Variants in FCSK observed in about 807,000 individuals in gnomAD.
FCSK encodes the protein L-fucose kinase.
A neutral mutation model predicts 122.5 loss-of-function variants in FCSK; 123 were observed. The ratio of observed to expected loss-of-function variants is 1.00; its 90% CI spans 0.87 to 1.17. FCSK has a LOEUF of 1.17. FCSK is among the 50% of genes most tolerant of loss of function. The pLI is 0.00. For missense variants in FCSK, 1,366 were observed against 1,450.4 expected, an observed-to-expected ratio of 0.94 and a Z score of 0.95; for synonymous variants, 620 against 625.5, an observed-to-expected ratio of 0.99 and a Z score of 0.13.
chr16:70,454,835 C>T (rs1413717204), intron 1 of FCSK: 3 of 152,286 alleles, frequency 2.0e-5, no homozygotes, highest in African/African-American at 7.2e-5. Context: ...TCCATTTGGC[C>T]TGGGTCTTCC....
rs1246038089 is a variant in FCSK at position 70,475,711 on chromosome 16, T to G, written c.2585T>G (p.Val862Gly). ...TTGCAGCGAGCCGCAGGCCGGGTGGTGGGCACGGAAGCCCTGATCCACGCA... is the reference window on the plus strand; with the variant it reads ...TTGCAGCGAGCCGCAGGCCGGGTGGGGGGCACGGAAGCCCTGATCCACGCA... ...AALQRAAGRVVGTEALIHAVL... is the reference protein window; with the variant it reads ...AALQRAAGRVGGTEALIHAVL... Residue 862 changes from valine (V) to glycine (G), a missense_variant, in exon 20 of 24, where the codon GTG becomes GGG. Physicochemically the swap from Val to Gly is moderately radical, Grantham distance 109. Coordinates refer to ENST00000288078, the MANE Select transcript of FCSK (RefSeq NM_145059.3). 19 of 1,602,710 alleles carry G rather than the reference T, an allele frequency of 1.2e-5. No homozygotes were observed. Among genetic ancestry groups the G allele is most frequent in the Non-Finnish European group, 1.5e-5 (18 of 1,175,208 alleles).
intron 1 of FCSK, among the ~76,000 whole-genome samples, chr16:70,457,331 T>G (rs999368270): frequency 6.6e-6 from 1 of 151,516 alleles, no homozygotes; most frequent in South Asian, 2.1e-4. Context: ...CTTGGCTCAC[T>G]GCAGCCTCCG....
Position 70,471,019 on chromosome 16 carries a change from GAGGGCCCTGTCC to G in FCSK, c.1120_1131del (p.Gly374_Gln377del). On this transcript the variant is annotated inframe_deletion, in exon 12 of 24. Coordinates refer to ENST00000288078, the MANE Select transcript of FCSK (RefSeq NM_145059.3). The stretch of plus-strand genomic sequence containing the variant: ...GAGCTCTGTGGTCAGCTGCCTGCTG[GAGGGCCCTGTCC>G]AGCTGGGTCCTGGGAGCGTCCTGCA... The G allele has an allele frequency of 6.2e-7, 1 of 1,602,756 alleles. No homozygotes were observed. The highest frequency in any genetic ancestry group is 8.5e-7 in the Non-Finnish European group (1 of 1,176,626).
In FCSK at chr16:70,475,006, C is replaced by T; in HGVS notation, c.2372C>T (p.Ala791Val). The part of the protein sequence containing the change: ...ADLRDYCQPH[A>V]PGALLKAAFI... ...CTGCGGGACTACTGCCAGCCTCATGCCCCAGGTCAGGCACCCTGGGACCTC... is the reference window on the plus strand; with the variant it reads ...CTGCGGGACTACTGCCAGCCTCATGTCCCAGGTCAGGCACCCTGGGACCTC... Residue 791 changes from alanine (A) to valine (V), a missense_variant, in exon 18 of 24, where the codon GCC becomes GTC. Transcript: ENST00000288078. 6 of 1,597,100 alleles carry T rather than the reference C, an allele frequency of 3.8e-6. No homozygotes were observed. Among genetic ancestry groups the T allele is most frequent in the Non-Finnish European group, 5.1e-6 (6 of 1,173,698 alleles).
rs1432884519 is a variant in FCSK at position 70,467,751 on chromosome 16, T to C, written c.583-135T>C. The C allele has an allele frequency of 8.1e-6, 6 of 741,052 alleles. No homozygotes were observed. In the East Asian group the frequency reaches 1.6e-4, roughly 19 times the overall value. The allele number at this position is 741,052 out of a possible 1,614,324, so 45.9% of individuals were successfully genotyped here. A position where few individuals can be genotyped will look rare whatever the true frequency, so the allele number is the denominator to read the frequency against. On this transcript the variant is annotated intron_variant, in intron 7 of 23. Transcript: ENST00000288078. The stretch of plus-strand genomic sequence containing the variant: ...TGGAGTAGAAATCTCAGGCCCCCCC[T>C]GAGAATGCCAGCAACTGCCAGCCTT...
intron 3 of FCSK, chr16:70,464,912 C>G (rs2048370742): frequency 1.1e-6 from 1 of 935,690 alleles, no homozygotes; most frequent in Non-Finnish European, 1.6e-6. Flanking sequence ...AACCAGCCAG[C>G]AAGAAGGTGG....
intron 19 of FCSK, 75 bp downstream of exon 19, chr16:70,475,568 C>A: frequency 6.3e-7 from 1 of 1,585,054 alleles, no homozygotes; most frequent in Admixed American, 1.8e-5. Flanking sequence ...CCCTTCCTGG[C>A]CTCTGCCCTT....
In FCSK at chr16:70,474,534, C is replaced by T; in HGVS notation, c.1995C>T (p.Ala665=). The T allele has an allele frequency of 6.5e-7, 1 of 1,547,674 alleles. No individual in the cohort carries two copies. The highest frequency in any genetic ancestry group is 8.7e-7 in the Non-Finnish European group (1 of 1,147,056). Residue 665 remains alanine (A), a synonymous_variant, in exon 17 of 24, where the codon GCC becomes GCT. Coordinates refer to ENST00000288078, the MANE Select transcript of FCSK (RefSeq NM_145059.3). ...CTCCCCCTTCTCTTGGCAGGCCAGC[C>T]TTGCTGGTGCGAGCGGCCCGCCACT... ...QERDKWLSRP[A]LLVRAARHYE... is the part of the protein sequence containing the mutation.
At chr16:70,472,499 C>G (rs549511358) in intron 13 of FCSK, 42 bp from the exon 14 acceptor site, 1 of 1,543,910 alleles carries the variant, frequency 6.5e-7, no homozygotes, top group African/African-American at 1.4e-5. Context: ...TAACCCTTTC[C>G]TGTGGCCCCT....
intron 4 of FCSK, 61 bp from the exon 5 acceptor site, chr16:70,466,071 C>A: frequency 1.3e-6 from 2 of 1,573,848 alleles, no homozygotes; most frequent in Non-Finnish European, 1.7e-6. Context: ...GCCTGCACAG[C>A]TGATGAGGTG....
Position 70,473,115 on chromosome 16 carries a change from G to A in FCSK, c.1539G>A (p.Glu513=), listed in dbSNP as rs1278192578. The A allele has an allele frequency of 2.5e-6, 4 of 1,582,246 alleles. No individual in the cohort carries two copies. The African/African-American group carries it at 5.4e-5, about 21-fold the overall frequency. ...TGCTGTGGATGCTGGACCACCAGGAGGATGGGGGCGAGGCCCTGCGAGCCT... is the reference window on the plus strand; with the variant it reads ...TGCTGTGGATGCTGGACCACCAGGAAGATGGGGGCGAGGCCCTGCGAGCCT... The part of the protein sequence containing the change: ...QDLLWMLDHQ[E]DGGEALRAWR... The change falls in exon 15 of 24, where the codon GAG becomes GAA. Residue 513 remains glutamate (E), a synonymous_variant. Transcript: ENST00000288078. The surrounding 1 kb of genome is among the most constrained non-coding windows in gnomAD (Gnocchi z 4.9).
chr16:70,478,349 A>C lies in FCSK; in HGVS notation c.2719A>C (p.Lys907Gln). 6.2e-7 allele frequency: 1 copy of C among 1,614,146 alleles called. No individual in the cohort carries two copies. Among genetic ancestry groups the C allele is most frequent in the Non-Finnish European group, 8.5e-7 (1 of 1,180,002 alleles). Residue 907 changes from lysine to glutamine, a missense_variant, in exon 21 of 24, where the codon AAG becomes CAG. By Grantham distance (53) the Lys-to-Gln change is moderately conservative (BLOSUM62 1). Coordinates refer to ENST00000288078, the MANE Select transcript of FCSK (RefSeq NM_145059.3). ...GCGCTCCCGGGCTCAGCTGCCACTG[A>C]AGGTGGAGGTAGAAGAGGTCACGGT... ...VGRSRAQLPL[K>Q]VEVEEVTVPE...
chr16:70,454,992 CCT>C (rs1003389293), intron 1 of FCSK: 5 of 152,228 alleles, frequency 3.3e-5, no homozygotes, highest in African/African-American at 1.2e-4. Context: ...GGCCGCTTCT[CCT>C]CTCTCAGTTT....
chr16:70,479,318 G>C lies in FCSK; in HGVS notation c.3068G>C (p.Gly1023Ala), dbSNP rs1271042407. ...CACGTGCATGGCCAGAGCCTGGCTGGGGCAGGCGGTGGAGGCTTTCTCTAT... is the reference window on the plus strand; with the variant it reads ...CACGTGCATGGCCAGAGCCTGGCTGCGGCAGGCGGTGGAGGCTTTCTCTAT... ...APHVHGQSLA[G>A]AGGGGFLYLL... The change falls in exon 23 of 24, where the codon GGG becomes GCG. Residue 1023 changes from glycine to alanine, a missense_variant. Gly to Ala is a moderately conservative substitution (Grantham distance 60). Transcript: ENST00000288078. 6.2e-7 allele frequency: 1 copy of C among 1,614,032 alleles called. No homozygotes were observed. Among genetic ancestry groups the C allele is most frequent in the Non-Finnish European group, 8.5e-7 (1 of 1,180,032 alleles).
chr16:70,467,758 G>A, intron 7 of FCSK, 128 bp from the exon 8 acceptor site: 2 of 763,142 alleles, frequency 2.6e-6, no homozygotes, highest in Admixed American at 2.1e-5. Flanking sequence ...CCCTGAGAAT[G>A]CCAGCAACTG....
Position 70,478,290 on chromosome 16 carries a change from A to G in FCSK, c.2660A>G (p.Gln887Arg). Residue 887 changes from glutamine to arginine, a missense_variant, in exon 21 of 24, where the codon CAA (glutamine) becomes CGA (arginine). Physicochemically the swap from Gln to Arg is conservative, Grantham distance 43. Coordinates refer to ENST00000288078, the MANE Select transcript of FCSK (RefSeq NM_145059.3). ...CTCACAGGAGGTGGCTGGCAGGACCAAGTAGGTGGCCTAATGCCTGGCATC... is the reference window on the plus strand; with the variant it reads ...CTCACAGGAGGTGGCTGGCAGGACCGAGTAGGTGGCCTAATGCCTGGCATC... ...VLTTGGGWQD[Q>R]VGGLMPGIKV... 6.2e-7 allele frequency: 1 copy of G among 1,614,058 alleles called. No individual in the cohort carries two copies. Among genetic ancestry groups the G allele is most frequent in the Non-Finnish European group, 8.5e-7 (1 of 1,180,004 alleles).
intron 3 of FCSK, 98 bp downstream of exon 3, chr16:70,463,872 A>G (rs1597609234): frequency 1.5e-6 from 2 of 1,301,162 alleles, no homozygotes; most frequent in South Asian, 1.4e-5. Flanking sequence ...GCCTTGGCCA[A>G]CTCAGCATTG....
chr16:70,471,577 T>C (rs1043170347), intron 13 of FCSK, among the ~76,000 whole-genome samples: 1 of 152,170 alleles, frequency 6.6e-6, no homozygotes, highest in Non-Finnish European at 1.5e-5. Flanking sequence ...TTGCATCTGC[T>C]CTGCCAGGTG....
chr16:70,459,429 C>G (rs980504308), intron 1 of FCSK, among the ~76,000 whole-genome samples: 2 of 150,812 alleles, frequency 1.3e-5, no homozygotes, highest in Non-Finnish European at 3.0e-5. Context: ...CCTAGCTACT[C>G]GGGAGGCTGA....
Sources: gnomAD v4.1 joint callset for allele counts (sites outside exome capture counted in the v4.1 genomes callset) on GRCh38, gnomAD v4.1.1 for gene constraint, Gnocchi (gnomAD v3.1) non-coding constraint, MANE v1.5 for transcripts, NCBI Gene and HGNC (gene_info 2026-07-23, HGNC 2026-07-21) for gene names.